Variants in EXOC2 observed in about 807,000 individuals in gnomAD.
EXOC2 encodes the protein exocyst complex component 2, also known as SEC5-like 1.
Under a neutral mutation model 131.8 loss-of-function variants are expected in EXOC2, and 70 were observed. That is an observed-to-expected ratio of 0.53 (90% CI 0.44 to 0.65). EXOC2 has a LOEUF of 0.65. Ranked by LOEUF, EXOC2 falls within the 30% of genes least tolerant of loss-of-function variation. The pLI is 0.00. For synonymous variants in EXOC2, 411 were observed against 398.4 expected (o/e 1.03, Z -0.38); for missense variants, 923 against 1,108.6 (o/e 0.83, Z 2.38).
chr6:562,468 TG>T (rs1757752021), intron 17 of EXOC2, among the ~76,000 whole-genome samples: 1 of 152,234 alleles, frequency 6.6e-6, no homozygotes, highest in South Asian at 2.1e-4. Context: ...TCTTCTATCC[TG>T]CTTTCCGGAA....
chr6:616,619 A>AAC (rs1761025258), intron 6 of EXOC2, among the ~76,000 whole-genome samples: 1 of 151,218 alleles, frequency 6.6e-6, no homozygotes, highest in African/African-American at 2.4e-5. Context: ...AAAAAAAAAA[A>AAC]AAAACTAACT....
intron 23 of EXOC2, among the ~76,000 whole-genome samples, chr6:513,730 A>G (rs1020046604): frequency 1.3e-5 from 2 of 152,218 alleles, no homozygotes; most frequent in Admixed American, 6.5e-5. Context: ...TCTGGTTGTC[A>G]CTCAAACATT....
chr6:496,714 A>T (rs1210743518), intron 25 of EXOC2, among the ~76,000 whole-genome samples: 1 of 149,278 alleles, frequency 6.7e-6, no homozygotes, highest in East Asian at 1.9e-4. Flanking sequence ...TTTCAAAATT[A>T]AAAAAAAAAT....
At chr6:572,701 T>C (rs1758352828) in intron 12 of EXOC2, 57 bp from the exon 13 acceptor site, 5 of 1,581,064 alleles carry the variant, frequency 3.2e-6, no homozygotes, top group African/African-American at 1.4e-5. Flanking sequence ...GAAAACACCT[T>C]TGAGCATATT....
At chr6:590,349 A>C (rs1759472948) in intron 11 of EXOC2, among the ~76,000 whole-genome samples, 1 of 151,870 alleles carries the variant, frequency 6.6e-6, no homozygotes, top group African/African-American at 2.4e-5. Context: ...GCTTCAGCAG[A>C]GATACCTGGG....
At chr6:520,685 G>T in intron 23 of EXOC2, among the ~76,000 whole-genome samples, 1 of 102,958 alleles carries the variant, frequency 9.7e-6, no homozygotes, top group African/African-American at 4.1e-5. Context: ...CCCACCGAGC[G>T]CCGACACTCG....
At chr6:668,926 T>C (rs913764129) in intron 1 of EXOC2, among the ~76,000 whole-genome samples, 1 of 152,230 alleles carries the variant, frequency 6.6e-6, no homozygotes, top group Non-Finnish European at 1.5e-5. Flanking sequence ...CCATCTGTGA[T>C]TGGTTGAATC....
chr6:669,322 T>C (rs1350247690), intron 1 of EXOC2: 1 of 152,386 alleles, frequency 6.6e-6, no homozygotes, highest in Non-Finnish European at 1.5e-5. Flanking sequence ...GCTGAGGTTA[T>C]ACATTCTGGC....
chr6:556,401 C>A, intron 18 of EXOC2, 83 bp downstream of exon 18: 1 of 1,332,414 alleles, frequency 7.5e-7, no homozygotes, highest in Non-Finnish European at 1.1e-6. Context: ...AAAGATCTTG[C>A]AGTACGATGA....
At chr6:608,638 T>G (rs886514587) in intron 7 of EXOC2, among the ~76,000 whole-genome samples, 1 of 152,158 alleles carries the variant, frequency 6.6e-6, no homozygotes, top group Non-Finnish European at 1.5e-5. Flanking sequence ...TTTCTCAAAC[T>G]ACTGCTTCAA....
At chr6:599,304 A>C in intron 7 of EXOC2, 79 bp from the exon 8 acceptor site, 1 of 1,324,690 alleles carries the variant, frequency 7.5e-7, no homozygotes, top group Non-Finnish European at 1.0e-6. Context: ...CTAGAAACAA[A>C]ATGTTAATAC....
At chr6:664,641 T>TA (rs1412552505) in intron 1 of EXOC2, among the ~76,000 whole-genome samples, 1 of 152,118 alleles carries the variant, frequency 6.6e-6, no homozygotes, top group Non-Finnish European at 1.5e-5. Context: ...GCCAAATACT[T>TA]ACAGCCAACT....
intron 11 of EXOC2, among the ~76,000 whole-genome samples, chr6:581,498 T>C (rs1271265417): frequency 5.9e-5 from 9 of 152,154 alleles, no homozygotes; most frequent in Non-Finnish European, 1.3e-4. Context: ...GAATACAAAA[T>C]TGCGAACAGG....
intron 7 of EXOC2, among the ~76,000 whole-genome samples, chr6:608,426 AT>A (rs1363815795): frequency 2.0e-5 from 3 of 152,248 alleles, no homozygotes; most frequent in Non-Finnish European, 4.4e-5. Context: ...AAAGAAATGT[AT>A]TTTAGGGAAA....
At chr6:592,400 T>A (rs1315531563) in intron 11 of EXOC2, 69 bp downstream of exon 11, 1 of 1,320,558 alleles carries the variant, frequency 7.6e-7, no homozygotes, top group Non-Finnish European at 1.1e-6. Context: ...CCTTCATCAT[T>A]AAACATTCCC....
At chr6:513,460 C>A (rs978496845) in intron 23 of EXOC2, among the ~76,000 whole-genome samples, 3 of 152,178 alleles carry the variant, frequency 2.0e-5, no homozygotes, top group Non-Finnish European at 4.4e-5. Context: ...TAATACAACC[C>A]GACCGTAGAG....
chr6:682,300 T>C (rs961487002), intron 1 of EXOC2, among the ~76,000 whole-genome samples: 4 of 151,072 alleles, frequency 2.6e-5, no homozygotes, highest in Non-Finnish European at 4.4e-5. Flanking sequence ...TCCGGGTTCA[T>C]GCCATTCTCC....
chr6:563,057 A>G (rs922562934), intron 16 of EXOC2, among the ~76,000 whole-genome samples: 9 of 152,254 alleles, frequency 5.9e-5, no homozygotes, highest in Non-Finnish European at 1.3e-4. Context: ...AATGTGAATA[A>G]AAGTTTTTAC....
At chr6:583,288 G>A (rs1475887656) in intron 11 of EXOC2, among the ~76,000 whole-genome samples, 1 of 152,122 alleles carries the variant, frequency 6.6e-6, no homozygotes, top group African/African-American at 2.4e-5. Flanking sequence ...TTTCTATGAA[G>A]GATGGGGACA....
Sources: gnomAD v4.1 joint callset for allele counts (sites outside exome capture counted in the v4.1 genomes callset) on GRCh38, gnomAD v4.1.1 for gene constraint, MANE v1.5 for transcripts, NCBI Gene and HGNC (gene_info 2026-07-23, HGNC 2026-07-21) for gene names.